TBC1D22A: variants seen among roughly 807,000 people sequenced by gnomAD.
The protein encoded by TBC1D22A is putative GTPase activator.
Under a neutral mutation model 60.2 loss-of-function variants are expected in TBC1D22A, and 38 were observed. That is an observed-to-expected ratio of 0.63 (90% CI 0.49 to 0.83). TBC1D22A has a LOEUF of 0.83. Ranked by LOEUF, TBC1D22A falls within the 40% of genes least tolerant of loss-of-function variation. The pLI is 0.00. For missense variants in TBC1D22A, 628 were observed against 701.0 expected (o/e 0.90, Z 1.18); for synonymous variants, 302 against 281.7 (o/e 1.07, Z -0.72).
intron 12 of TBC1D22A, among the ~76,000 whole-genome samples, chr22:47,119,536 A>C (rs1601575521): frequency 1.4e-5 from 2 of 147,702 alleles, no homozygotes. Flanking sequence ...TCACACTGTC[A>C]CCCGGGCTGG....
At chr22:47,111,892 C>T (rs892228712) in intron 12 of TBC1D22A, among the ~76,000 whole-genome samples, 14 of 152,202 alleles carry the variant, frequency 9.2e-5, no homozygotes, top group African/African-American at 2.7e-4. Flanking sequence ...CTCAGCAGCA[C>T]GACCCCTGCA....
intron 8 of TBC1D22A, among the ~76,000 whole-genome samples, chr22:46,943,539 C>T (rs2072313055): frequency 6.6e-6 from 1 of 152,196 alleles, no homozygotes; most frequent in Non-Finnish European, 1.5e-5. Context: ...GGGGAATAAA[C>T]CCCTCCTCTC....
intron 11 of TBC1D22A, among the ~76,000 whole-genome samples, chr22:47,049,811 A>G (rs1465681226): frequency 6.6e-6 from 1 of 152,188 alleles, no homozygotes; most frequent in African/African-American, 2.4e-5. Context: ...TTTTCAGTGT[A>G]TTTGTGACTG....
chr22:46,977,894 A>G (rs1569297651), intron 9 of TBC1D22A, among the ~76,000 whole-genome samples: 1 of 152,234 alleles, frequency 6.6e-6, no homozygotes, highest in Non-Finnish European at 1.5e-5. Flanking sequence ...GGTCACCTCC[A>G]GCCAGGCCAC....
intron 12 of TBC1D22A, among the ~76,000 whole-genome samples, chr22:47,137,766 C>T (rs1180868407): frequency 2.0e-5 from 3 of 152,202 alleles, no homozygotes; most frequent in African/African-American, 7.2e-5. Flanking sequence ...GAAAATGGGC[C>T]TCCCACGAGG....
intron 9 of TBC1D22A, among the ~76,000 whole-genome samples, chr22:46,974,911 G>C (rs1569294287): frequency 6.6e-6 from 1 of 152,210 alleles, no homozygotes; most frequent in Non-Finnish European, 1.5e-5. Context: ...CTGCACCACA[G>C]TGGGGACCCT....
chr22:46,827,208 G>T lies in TBC1D22A; in HGVS notation c.637+29588G>T, dbSNP rs551754841. ...TCCCATGGCGCCCCCTGCCTGTTCA[G>T]GTCAGGCTTCTAACTTACCTTGGAG... is the stretch of plus-strand genomic sequence containing the variant. On this transcript the variant is annotated intron_variant, in intron 4 of 12. Coordinates refer to ENST00000337137, the MANE Select transcript of TBC1D22A (RefSeq NM_014346.5). 1.1e-4 allele frequency among the ~76,000 whole-genome samples: 16 copies of T among 152,320 alleles called. 1 individual carries two copies. The South Asian group carries it at 3.1e-3, about 30-fold the overall frequency.
At chr22:46,813,049 C>T (rs1227683518) in intron 4 of TBC1D22A, among the ~76,000 whole-genome samples, 1 of 152,234 alleles carries the variant, frequency 6.6e-6, no homozygotes, top group Non-Finnish European at 1.5e-5. Flanking sequence ...GGCGGCTCCG[C>T]AGGTCTTTCT....
rs2068407233 is a variant in TBC1D22A, at chr22:46,891,494, G to C, written c.837+100G>C. On this transcript the variant is annotated intron_variant, in intron 6 of 12. Transcript: ENST00000337137. ...TATCAAAACCATGTGGAGTTGGTCA[G>C]AGTTAAAGATGCAGGTCCCTGATTA... 3 of 1,338,604 alleles carry C rather than the reference G, an allele frequency of 2.2e-6. No homozygotes were observed. In the South Asian group the frequency reaches 5.3e-5, roughly 24 times the overall value. 82.9% of individuals were successfully genotyped at this position (1,338,604 alleles called of 1,614,324 possible). A position where few individuals can be genotyped will look rare whatever the true frequency, so the allele number is the denominator to read the frequency against.
Position 47,117,261 on chromosome 22 carries a change from G to A in TBC1D22A, c.1425+5658G>A, listed in dbSNP as rs1601566398. 3.0e-5 allele frequency: 5 copies of A among 164,832 alleles called. No individual in the cohort carries two copies. In the South Asian group the frequency reaches 6.1e-4, roughly 20 times the overall value. 10.2% of individuals were successfully genotyped at this position (164,832 alleles called of 1,614,324 possible). A position where few individuals can be genotyped will look rare whatever the true frequency, so the allele number is the denominator to read the frequency against. ...GGAAGCAGGAAAAATTGTGTCCTCGGATTTCAAGAAGAAAACACTGGGTAG... is the reference window on the plus strand; with the variant it reads ...GGAAGCAGGAAAAATTGTGTCCTCGAATTTCAAGAAGAAAACACTGGGTAG... On this transcript the variant is annotated intron_variant, in intron 12 of 12. Coordinates refer to ENST00000337137, the MANE Select transcript of TBC1D22A (RefSeq NM_014346.5).
At chr22:46,922,232 C>G (rs1407037374) in intron 8 of TBC1D22A, among the ~76,000 whole-genome samples, 1 of 152,144 alleles carries the variant, frequency 6.6e-6, no homozygotes, top group Non-Finnish European at 1.5e-5. Context: ...CTCTTCTGTT[C>G]CATTGGTCTG....
intron 4 of TBC1D22A, among the ~76,000 whole-genome samples, chr22:46,846,595 T>C (rs183158464): frequency 6.6e-6 from 1 of 152,276 alleles, no homozygotes; most frequent in East Asian, 1.9e-4. Context: ...AAAAAAACTG[T>C]GTTATAAAAA....
intron 12 of TBC1D22A, among the ~76,000 whole-genome samples, chr22:47,128,816 C>T (rs865989736): frequency 6.6e-6 from 1 of 152,168 alleles, no homozygotes; most frequent in South Asian, 2.1e-4. Context: ...CTGTGTACTG[C>T]GTCCGAGGCA....
intron 4 of TBC1D22A, among the ~76,000 whole-genome samples, chr22:46,805,615 A>G (rs910043779): frequency 2.6e-5 from 4 of 152,166 alleles, no homozygotes; most frequent in African/African-American, 9.7e-5. Flanking sequence ...GCCAGGCCAC[A>G]TGGCCACTCC....
At chr22:46,998,926 C>G (rs2075215623) in intron 10 of TBC1D22A, among the ~76,000 whole-genome samples, 1 of 152,268 alleles carries the variant, frequency 6.6e-6, no homozygotes, top group Non-Finnish European at 1.5e-5. Context: ...CGGCTGGGTT[C>G]TTTTCCCTGC....
At position 47,157,654 on chromosome 22, in the gene TBC1D22A, C is replaced by T. The variant is rs114610966; in HGVS notation, c.1426-15844C>T. ...GAGCTCCGTGTGGCCGTGCAGTTGC[C>T]CTTTCCGGTTCTGGTTCCACAGCTC... On this transcript the variant is annotated intron_variant, in intron 12 of 12. Coordinates refer to ENST00000337137, the MANE Select transcript of TBC1D22A (RefSeq NM_014346.5). Among the ~76,000 whole-genome samples the T allele has an allele frequency of 3.5e-3, 536 of 152,330 alleles. 3 individuals are homozygous for T. The highest frequency in any genetic ancestry group is 0.012 in the African/African-American group (509 of 41,566).
intron 7 of TBC1D22A, among the ~76,000 whole-genome samples, chr22:46,897,331 A>G (rs2068728880): frequency 6.6e-6 from 1 of 152,190 alleles, no homozygotes; most frequent in Admixed American, 6.5e-5. Context: ...TAAATGAAGT[A>G]GTGGCCCGCT....
intron 4 of TBC1D22A, among the ~76,000 whole-genome samples, chr22:46,803,612 T>C (rs1039617171): frequency 1.3e-5 from 2 of 152,188 alleles, no homozygotes; most frequent in Admixed American, 1.3e-4. Context: ...TGGGGGGTGC[T>C]TACACTTGCG....
intron 9 of TBC1D22A, among the ~76,000 whole-genome samples, chr22:46,989,227 C>A (rs1308920678): frequency 2.0e-5 from 3 of 152,220 alleles, no homozygotes; most frequent in South Asian, 4.1e-4. Context: ...ATCCAGACCG[C>A]TGAAACTTTG....
Sources: allele counts gnomAD v4.1 joint callset (sites outside exome capture counted in the v4.1 genomes callset), GRCh38; gene constraint gnomAD v4.1.1; transcripts MANE v1.5; gene names NCBI Gene and HGNC (gene_info 2026-07-23, HGNC 2026-07-21).